AGMO: variants seen among roughly 807,000 people sequenced by gnomAD.
The protein encoded by AGMO is alkylglycerol monooxygenase.
Under a neutral mutation model 60.2 loss-of-function variants are expected in AGMO, and 75 were observed. That is an observed-to-expected ratio of 1.25 (90% confidence interval 1.03 to 1.51). The LOEUF (loss-of-function observed/expected upper bound fraction) is 1.51. Ranked by LOEUF, AGMO falls within the 40% of genes most tolerant of loss-of-function variation. The pLI, the probability that AGMO is intolerant of heterozygous loss-of-function variation, is 0.00. For missense variants in AGMO, 763 were observed against 525.5 expected (o/e 1.45, Z -4.42); for synonymous variants, 261 against 177.1 (o/e 1.47, Z -3.76).
intron 12 of AGMO, among the ~76,000 whole-genome samples, chr7:15,317,325 C>T (rs1242386430): frequency 6.6e-6 from 1 of 152,082 alleles, no homozygotes; most frequent in East Asian, 1.9e-4. Flanking sequence ...CAAGTAAAAG[C>T]TTATTTGAAT....
At chr7:15,242,546 A>C (rs1301333953) in intron 12 of AGMO, among the ~76,000 whole-genome samples, 1 of 152,194 alleles carries the variant, frequency 6.6e-6, no homozygotes, top group Non-Finnish European at 1.5e-5. Context: ...GGGTGTAAAG[A>C]TCCAGTATCT....
intron 12 of AGMO, among the ~76,000 whole-genome samples, chr7:15,327,980 T>G (rs538277940): frequency 1.2e-3 from 189 of 152,122 alleles, no homozygotes; most frequent in African/African-American, 4.4e-3. Context: ...CTCACTATGT[T>G]GCCTGAGCTT....
chr7:15,373,682 T>A (rs780754637), intron 10 of AGMO, among the ~76,000 whole-genome samples: 6 of 152,138 alleles, frequency 3.9e-5, no homozygotes, highest in Non-Finnish European at 7.3e-5. Context: ...AAAATAACAG[T>A]ATGTTTCCAT....
intron 10 of AGMO, among the ~76,000 whole-genome samples, chr7:15,374,812 A>G (rs1312308668): frequency 6.6e-6 from 1 of 152,080 alleles, no homozygotes; most frequent in East Asian, 1.9e-4. Flanking sequence ...AGAAACCAAG[A>G]AGGCTAGCAT....
At chr7:15,311,643 C>A (rs1563080762) in intron 12 of AGMO, among the ~76,000 whole-genome samples, 1 of 152,224 alleles carries the variant, frequency 6.6e-6, no homozygotes, top group East Asian at 1.9e-4. Context: ...AAGTCACCAT[C>A]ATTCTATGTC....
At chr7:15,346,427 T>C (rs898439832) in intron 12 of AGMO, among the ~76,000 whole-genome samples, 2 of 152,084 alleles carry the variant, frequency 1.3e-5, no homozygotes, top group African/African-American at 4.8e-5. Context: ...CTAATAGTGT[T>C]TCACGTGTTT....
intron 5 of AGMO, among the ~76,000 whole-genome samples, chr7:15,400,732 T>C (rs1200164639): frequency 6.6e-6 from 1 of 151,946 alleles, no homozygotes. Flanking sequence ...AACAAACAAA[T>C]AAACAAAAGA....
chr7:15,367,937 CAA>C (rs1738884634), intron 10 of AGMO, among the ~76,000 whole-genome samples: 1 of 152,046 alleles, frequency 6.6e-6, no homozygotes, highest in South Asian at 2.1e-4. Flanking sequence ...ACACAGTAAA[CAA>C]AAGCCACCAG....
intron 12 of AGMO, among the ~76,000 whole-genome samples, chr7:15,348,948 G>C (rs1583438103): frequency 1.3e-5 from 2 of 152,068 alleles, no homozygotes; most frequent in East Asian, 1.9e-4. Flanking sequence ...TTCTAAATTA[G>C]CTGCCTAATG....
chr7:15,365,586 G>A lies in AGMO; in HGVS notation c.1191C>T (p.Cys397=), dbSNP rs1222359907. The A allele has an allele frequency of 1.9e-6, 3 of 1,612,614 alleles. No individual in the cohort carries two copies. The South Asian group carries it at 3.3e-5, about 18-fold the overall frequency. Residue 397 remains cysteine (C), a synonymous_variant, in exon 12 of 13, where the codon TGC becomes TGT. Transcript: ENST00000342526. ...ATCGGTACAGCATTAAGAACATCAA[G>A]CAACGGAGAGTTTCCATAATAGCTG... ...PKAAIMETLR[C]LMFLMLYRFG...
intron 12 of AGMO, among the ~76,000 whole-genome samples, chr7:15,344,588 C>T (rs1394319734): frequency 1.3e-5 from 2 of 152,086 alleles, no homozygotes; most frequent in East Asian, 3.9e-4. Flanking sequence ...GTCCCAGCCA[C>T]TCAGGAGGCT....
the AGMO span, among the ~76,000 whole-genome samples, chr7:15,173,146 T>C: frequency 2.6e-5 from 4 of 152,318 alleles, no homozygotes; most frequent in Middle Eastern, 3.4e-3. Context: ...TTTGTTGAAG[T>C]AAATCTATTG....
intron 12 of AGMO, among the ~76,000 whole-genome samples, chr7:15,321,794 A>G (rs73284589): frequency 2.6e-5 from 4 of 152,130 alleles, no homozygotes; most frequent in South Asian, 2.1e-4. Context: ...TTTAAAAAAT[A>G]TGGCTAGATT....
At chr7:15,205,354 G>C (rs966605568) in intron 12 of AGMO, among the ~76,000 whole-genome samples, 1 of 151,952 alleles carries the variant, frequency 6.6e-6, no homozygotes, top group African/African-American at 2.4e-5. Flanking sequence ...TAAAATGAAA[G>C]CTTTAATGTA....
intron 12 of AGMO, among the ~76,000 whole-genome samples, chr7:15,218,181 T>A (rs915136376): frequency 2.0e-5 from 3 of 151,960 alleles, no homozygotes; most frequent in African/African-American, 7.2e-5. Context: ...AAGAACAAAT[T>A]TGAGTGAAAA....
chr7:15,234,902 C>T (rs1043157925), intron 12 of AGMO, among the ~76,000 whole-genome samples: 43 of 152,092 alleles, frequency 2.8e-4, no homozygotes, highest in African/African-American at 1.0e-3. Context: ...GCTACAGACC[C>T]TTGATTTACA....
chr7:15,540,470 A>T (rs1784596655), intron 3 of AGMO, among the ~76,000 whole-genome samples: 1 of 152,152 alleles, frequency 6.6e-6, no homozygotes. Flanking sequence ...AAATGGAGGC[A>T]AGGTCTCTTT....
chr7:15,436,383 G>A (rs560696045), intron 3 of AGMO, among the ~76,000 whole-genome samples: 2 of 152,284 alleles, frequency 1.3e-5, no homozygotes, highest in South Asian at 2.1e-4. Flanking sequence ...GTGGAAGAAC[G>A]TTGTATTTTC....
At chr7:15,254,351 TAACA>T (rs907516286) in intron 12 of AGMO, among the ~76,000 whole-genome samples, 10 of 152,184 alleles carry the variant, frequency 6.6e-5, no homozygotes, top group African/African-American at 2.4e-4. Flanking sequence ...ACATTACCAC[TAACA>T]GAGTATCAGA....
Sources: gnomAD v4.1 joint callset for allele counts (sites outside exome capture counted in the v4.1 genomes callset) on GRCh38, gnomAD v4.1.1 for gene constraint, MANE v1.5 for transcripts, NCBI Gene and HGNC (gene_info 2026-07-23, HGNC 2026-07-21) for gene names.